Variants in ARFGAP3 observed in about 807,000 individuals in gnomAD.
The protein encoded by ARFGAP3 is ADP-ribosylation factor GTPase-activating protein 3.
Under a neutral mutation model 75.0 loss-of-function variants are expected in ARFGAP3, and 72 were observed. The ratio of observed to expected loss-of-function variants is 0.96; its 90% CI spans 0.79 to 1.17. The LOEUF is 1.17. ARFGAP3 is among the 50% of genes most tolerant of loss of function. The probability of loss-of-function intolerance (pLI) is 0.00; values close to 1 mark genes in which losing one functional copy is unlikely to be tolerated. For synonymous variants in ARFGAP3, 221 were observed against 217.9 expected (o/e 1.01, Z -0.13); for missense variants, 620 against 626.6 (o/e 0.99, Z 0.11).
chr22:42,831,699 C>A, intron 5 of ARFGAP3, 63 bp from the exon 6 acceptor site: 1 of 1,606,680 alleles, frequency 6.2e-7, no homozygotes, highest in Non-Finnish European at 8.5e-7. Context: ...AAAAACACAT[C>A]AAAGCACGGG....
At chr22:42,826,336 G>A (rs896046673) in intron 7 of ARFGAP3, among the ~76,000 whole-genome samples, 1 of 151,338 alleles carries the variant, frequency 6.6e-6, no homozygotes, top group African/African-American at 2.4e-5. Flanking sequence ...ATAAACCCAC[G>A]AATCAAAACC....
chr22:42,831,867 T>G, intron 5 of ARFGAP3: 1 of 414,734 alleles, frequency 2.4e-6, no homozygotes, highest in Non-Finnish European at 3.2e-6. Flanking sequence ...ACTGGAGCCT[T>G]GACCTCCCAG....
intron 13 of ARFGAP3, among the ~76,000 whole-genome samples, chr22:42,807,534 G>T (rs1925181610): frequency 6.6e-6 from 1 of 152,220 alleles, no homozygotes; most frequent in South Asian, 2.1e-4. Flanking sequence ...AACTGAACTT[G>T]AATGTCAACT....
chr22:42,812,736 CAG>C (rs1313814621), intron 11 of ARFGAP3, among the ~76,000 whole-genome samples: 1 of 152,228 alleles, frequency 6.6e-6, no homozygotes, highest in African/African-American at 2.4e-5. Context: ...CCTTAATAGA[CAG>C]AAAGTAGAAT....
At chr22:42,810,560 A>C (rs1925321672) in intron 12 of ARFGAP3, among the ~76,000 whole-genome samples, 1 of 152,164 alleles carries the variant, frequency 6.6e-6, no homozygotes, top group African/African-American at 2.4e-5. Flanking sequence ...AGGTTTCAAA[A>C]GGTTTTCCTT....
At chr22:42,798,969 G>T in intron 15 of ARFGAP3, 70 bp downstream of exon 15, 1 of 1,287,654 alleles carries the variant, frequency 7.8e-7, no homozygotes, top group Non-Finnish European at 1.1e-6. Context: ...GTTGAAGATT[G>T]AAGCAGGTCT....
In ARFGAP3 at chr22:42,797,441, G is replaced by C. The variant is rs1473943862; in HGVS notation, c.*147C>G. The C allele has an allele frequency of 1.1e-5, 11 of 1,040,382 alleles. No homozygotes were observed. The highest frequency in any genetic ancestry group is 1.4e-5 in the Non-Finnish European group (10 of 698,868). The allele number at this position is 1,040,382 out of a possible 1,614,324, so 64.4% of individuals were successfully genotyped here. ...CATCAGAACTCAGAATTTCTCAAAA[G>C]AAATATTAAAAATCAGAAACATATA... On this transcript the variant is annotated 3_prime_UTR_variant, in exon 16 of 16. Transcript: ENST00000263245.
chr22:42,852,761 T>A (rs1927333144), intron 1 of ARFGAP3, among the ~76,000 whole-genome samples: 1 of 152,138 alleles, frequency 6.6e-6, no homozygotes, highest in South Asian at 2.1e-4. Context: ...TATTTAATTT[T>A]ATTTTATTTG....
intron 6 of ARFGAP3, among the ~76,000 whole-genome samples, chr22:42,829,207 G>A (rs1323290757): frequency 1.3e-5 from 2 of 152,168 alleles, no homozygotes; most frequent in Admixed American, 1.3e-4. Flanking sequence ...GCTCAGCAGA[G>A]GGGACACACA....
chr22:42,822,442 G>C, intron 8 of ARFGAP3, 33 bp from the exon 9 acceptor site: 1 of 1,602,256 alleles, frequency 6.2e-7, no homozygotes, highest in South Asian at 1.1e-5. Context: ...GTCTACACGA[G>C]CTGTTTGAAA....
intron 3 of ARFGAP3, among the ~76,000 whole-genome samples, chr22:42,838,543 C>T (rs568255962): frequency 6.6e-6 from 1 of 151,898 alleles, no homozygotes; most frequent in Non-Finnish European, 1.5e-5. Context: ...GTGATCCTCT[C>T]GCCTCAGCCT....
chr22:42,810,173 T>A (rs1353559083), intron 12 of ARFGAP3, among the ~76,000 whole-genome samples: 1 of 151,858 alleles, frequency 6.6e-6, no homozygotes, highest in East Asian at 1.9e-4. Flanking sequence ...ATCAGTAATT[T>A]AAAATCAAAA....
chr22:42,851,249 G>C (rs921210845), intron 1 of ARFGAP3, among the ~76,000 whole-genome samples: 1 of 152,230 alleles, frequency 6.6e-6, no homozygotes, highest in African/African-American at 2.4e-5. Flanking sequence ...TAGTAAGCAA[G>C]GACAGGATGC....
In ARFGAP3 at chr22:42,834,241, C is replaced by G; in HGVS notation, c.477+1G>C. ...AAAATGATGTGAAGCATAATACATA[C>G]CTCAGGAGAAACGTGAGAGGCAAAA... On this transcript the variant is annotated splice_donor_variant, in intron 5 of 15. Transcript: ENST00000263245. LOFTEE classifies it high-confidence loss of function. The G allele has an allele frequency of 6.2e-7, 1 of 1,613,614 alleles. No individual in the cohort carries two copies. Among genetic ancestry groups the G allele is most frequent in the Non-Finnish European group, 8.5e-7 (1 of 1,179,712 alleles).
At chr22:42,810,686 TG>T in intron 12 of ARFGAP3, 126 bp downstream of exon 12, 1 of 779,622 alleles carries the variant, frequency 1.3e-6, no homozygotes, top group Non-Finnish European at 2.1e-6. Context: ...CTTAAAGTGC[TG>T]GGATTATGGG....
intron 3 of ARFGAP3, 96 bp downstream of exon 3, chr22:42,840,848 G>C (rs1371167517): frequency 2.3e-5 from 30 of 1,278,050 alleles, no homozygotes; most frequent in Non-Finnish European, 3.2e-5. Flanking sequence ...TGAGATTACA[G>C]GCATGAGCCA....
rs567076871 is a variant in ARFGAP3, at chr22:42,830,965, C to G, written c.565+584G>C. 1.1e-3 allele frequency among the ~76,000 whole-genome samples: 160 copies of G among 152,076 alleles called. 1 individual carries two copies. The highest frequency in any genetic ancestry group is 3.8e-3 in the African/African-American group (157 of 41,496). ...ATATTCCATGTTCAGTAATATTTTT[C>G]CCCCACTTTATAGTCTATTATGAAT... On this transcript the variant is annotated intron_variant, in intron 6 of 15. Transcript: ENST00000263245.
Position 42,815,169 on chromosome 22 carries a change from C to A in ARFGAP3, c.1064+1973G>T, listed in dbSNP as rs528216419. On this transcript the variant is annotated intron_variant, in intron 11 of 15. Transcript: ENST00000263245. Reference sequence around the variant, plus strand: ...TGCCAAGAGTTTCCTCTGACCCAGACTTAGTCCACCATTTAATATTCACAT... The same window carrying A: ...TGCCAAGAGTTTCCTCTGACCCAGAATTAGTCCACCATTTAATATTCACAT... Among the ~76,000 whole-genome samples the A allele has an allele frequency of 9.8e-5, 15 of 152,328 alleles. No homozygotes were observed. In the East Asian group the frequency reaches 2.9e-3, roughly 29 times the overall value.
intron 14 of ARFGAP3, among the ~76,000 whole-genome samples, chr22:42,800,125 G>T (rs923721785): frequency 4.6e-5 from 7 of 152,182 alleles, no homozygotes; most frequent in African/African-American, 1.7e-4. Context: ...TGTCACAATT[G>T]TAATAAGACG....
Sources: gnomAD v4.1 joint callset for allele counts (sites outside exome capture counted in the v4.1 genomes callset) on GRCh38, gnomAD v4.1.1 for gene constraint, MANE v1.5 for transcripts, NCBI Gene and HGNC (gene_info 2026-07-23, HGNC 2026-07-21) for gene names.